The following TMEM266 variants were observed in gnomAD, a reference collection of about 807,000 sequenced individuals.
The protein encoded by TMEM266 is Hv1 related protein 1.
In TMEM266, 33 loss-of-function variants were observed where a neutral mutation model predicts 50.5. The ratio of observed to expected loss-of-function variants is 0.65; its 90% CI spans 0.50 to 0.87. TMEM266 has a LOEUF of 0.87. Ranked by LOEUF, TMEM266 falls within the 40% of genes least tolerant of loss-of-function variation. The pLI is 0.00. For synonymous variants in TMEM266, 310 were observed against 292.3 expected (o/e 1.06, Z -0.62); for missense variants, 655 against 695.1 (o/e 0.94, Z 0.65).
In TMEM266 at chr15:76,187,753, C is replaced by T. The variant is rs114071006; in HGVS notation, c.769-4215C>T. On this transcript the variant is annotated intron_variant, in intron 8 of 10. Transcript: ENST00000388942. ...GGCTCATTGCATAGCCAGCATGAGGCCTCAGTCTTTGTCTTAACTTTGGGA... is the reference window on the plus strand; with the variant it reads ...GGCTCATTGCATAGCCAGCATGAGGTCTCAGTCTTTGTCTTAACTTTGGGA... 5.2e-3 allele frequency among the ~76,000 whole-genome samples: 791 copies of T among 152,276 alleles called. 8 individuals are homozygous for T. Among genetic ancestry groups the T allele is most frequent in the African/African-American group, 0.018 (731 of 41,546 alleles).
intron 8 of TMEM266, chr15:76,176,344 G>C (rs1007409870): frequency 1.9e-4 from 29 of 153,132 alleles, no homozygotes; most frequent in Non-Finnish European, 4.4e-5. Flanking sequence ...TCCCATGTGA[G>C]TGGGACAGAG....
At chr15:76,070,538 TAGAG>T (rs2036523677) in intron 1 of TMEM266, among the ~76,000 whole-genome samples, 1 of 152,174 alleles carries the variant, frequency 6.6e-6, no homozygotes, top group Non-Finnish European at 1.5e-5. Flanking sequence ...CATAAGGTCT[TAGAG>T]AGCCAGCTCA....
intron 1 of TMEM266, among the ~76,000 whole-genome samples, chr15:76,119,980 C>G (rs2037315546): frequency 6.6e-6 from 1 of 152,190 alleles, no homozygotes; most frequent in Non-Finnish European, 1.5e-5. Flanking sequence ...AGCCACCCTT[C>G]AGAGCTTGTG....
At chr15:76,099,406 C>T (rs925337335) in intron 1 of TMEM266, among the ~76,000 whole-genome samples, 2 of 152,214 alleles carry the variant, frequency 1.3e-5, no homozygotes, top group African/African-American at 2.4e-5. Context: ...TGGGTTGCAC[C>T]CACTGTCCAA....
intron 1 of TMEM266, among the ~76,000 whole-genome samples, chr15:76,091,166 A>G (rs978302847): frequency 1.3e-5 from 2 of 152,202 alleles, no homozygotes; most frequent in African/African-American, 4.8e-5. Flanking sequence ...TTGAAGTGAG[A>G]GGAAAAAAAT....
At chr15:76,123,169 T>G (rs2037368515) in intron 1 of TMEM266, among the ~76,000 whole-genome samples, 1 of 152,226 alleles carries the variant, frequency 6.6e-6, no homozygotes, top group African/African-American at 2.4e-5. Context: ...CTAATAATTT[T>G]GCAATAGACT....
intron 3 of TMEM266, among the ~76,000 whole-genome samples, chr15:76,146,306 G>A (rs1448257745): frequency 1.3e-5 from 2 of 152,184 alleles, no homozygotes; most frequent in Non-Finnish European, 1.5e-5. Flanking sequence ...TGCAAAGATG[G>A]TCATGGGTGA....
At chr15:76,200,290 C>T (rs998291568) in intron 9 of TMEM266, among the ~76,000 whole-genome samples, 2 of 152,122 alleles carry the variant, frequency 1.3e-5, no homozygotes, top group African/African-American at 4.8e-5. Flanking sequence ...GCCTCCAGTC[C>T]CTTCGCACTC....
At chr15:76,195,805 C>T (rs945057006) in intron 9 of TMEM266, among the ~76,000 whole-genome samples, 12 of 152,372 alleles carry the variant, frequency 7.9e-5, no homozygotes, top group African/African-American at 2.6e-4. Flanking sequence ...ACCTATAAGA[C>T]CCTGAACGCC....
In TMEM266 at chr15:76,139,033, A is replaced by G. The variant is rs1326692946; in HGVS notation, c.227+1138A>G. Among the ~76,000 whole-genome samples the G allele has an allele frequency of 6.6e-6, 1 of 152,238 alleles. No homozygotes were observed. The highest frequency in any genetic ancestry group is 2.4e-5 in the African/African-American group (1 of 41,462). On this transcript the variant is annotated intron_variant, in intron 3 of 10. Coordinates refer to ENST00000388942, the MANE Select transcript of TMEM266 (RefSeq NM_152335.3). This position sits in a 1 kb window ranked among gnomAD's most constrained non-coding sequence, Gnocchi z 4.1. Reference sequence around the variant, plus strand: ...GGGCTTTCCCTAGCTTCACCCTGGCAGGACCTTAGGAGCCAGTTCTGGACT... The same window carrying G: ...GGGCTTTCCCTAGCTTCACCCTGGCGGGACCTTAGGAGCCAGTTCTGGACT...
At chr15:76,080,785 C>T (rs1447074180) in intron 1 of TMEM266, among the ~76,000 whole-genome samples, 1 of 152,102 alleles carries the variant, frequency 6.6e-6, no homozygotes, top group Non-Finnish European at 1.5e-5. Context: ...CTCGCTCTGC[C>T]ACCCAAGCTA....
At position 76,161,823 on chromosome 15, in the gene TMEM266, A is replaced by G. The variant is rs1466806590; in HGVS notation, c.456+1655A>G. On this transcript the variant is annotated intron_variant, in intron 5 of 10. Coordinates refer to ENST00000388942, the MANE Select transcript of TMEM266 (RefSeq NM_152335.3). The surrounding 1 kb of genome is among the most constrained non-coding windows in gnomAD (Gnocchi z 4.1). ...GGCCTCTTGTCTCTGCCCGGCCAGG[A>G]TTCCCTCCCGCAAACACATGGGCCG... is the stretch of plus-strand genomic sequence containing the variant. Among the ~76,000 whole-genome samples the G allele has an allele frequency of 6.6e-6, 1 of 152,158 alleles. No individual in the cohort carries two copies. Among genetic ancestry groups the G allele is most frequent in the African/African-American group, 2.4e-5 (1 of 41,424 alleles).
intron 1 of TMEM266, among the ~76,000 whole-genome samples, chr15:76,064,034 G>A (rs2036362937): frequency 6.6e-6 from 1 of 152,204 alleles, no homozygotes; most frequent in South Asian, 2.1e-4. Context: ...GATGGCCTGG[G>A]ATGGAGAAGA....
intron 8 of TMEM266, among the ~76,000 whole-genome samples, chr15:76,180,559 G>T (rs990379479): frequency 1.3e-5 from 2 of 149,002 alleles, no homozygotes; most frequent in Non-Finnish European, 3.0e-5. Context: ...GGGCAGCGTG[G>T]GTCAGGTGTC....
At chr15:76,176,928 CTG>C (rs1266947967) in intron 8 of TMEM266, among the ~76,000 whole-genome samples, 5 of 152,366 alleles carry the variant, frequency 3.3e-5, no homozygotes, top group Admixed American at 3.3e-4. Context: ...AACACCCCGA[CTG>C]TGCCAAGTGG....
intron 1 of TMEM266, among the ~76,000 whole-genome samples, chr15:76,080,891 G>A (rs897812022): frequency 2.6e-5 from 4 of 151,806 alleles, no homozygotes; most frequent in Non-Finnish European, 2.9e-5. Context: ...GACTACAGGC[G>A]TGCACCACTG....
chr15:76,089,923 C>A (rs563195029), intron 1 of TMEM266, among the ~76,000 whole-genome samples: 2 of 152,196 alleles, frequency 1.3e-5, no homozygotes, highest in South Asian at 4.2e-4. Context: ...AGGATGACTC[C>A]CATGGCTCTT....
intron 9 of TMEM266, among the ~76,000 whole-genome samples, chr15:76,197,846 C>T (rs990133983): frequency 6.6e-6 from 1 of 152,372 alleles, no homozygotes; most frequent in South Asian, 2.1e-4. Context: ...GCCCAGCTGA[C>T]TCACCACCCT....
At chr15:76,098,936 TAG>T (rs1225535783) in intron 1 of TMEM266, among the ~76,000 whole-genome samples, 1 of 152,098 alleles carries the variant, frequency 6.6e-6, no homozygotes, top group African/African-American at 2.4e-5. Flanking sequence ...CCCACCAAGC[TAG>T]AGTGTCCCGG....
Sources: gnomAD v4.1 joint callset for allele counts (sites outside exome capture counted in the v4.1 genomes callset) on GRCh38, gnomAD v4.1.1 for gene constraint, Gnocchi (gnomAD v3.1) non-coding constraint, MANE v1.5 for transcripts, NCBI Gene and HGNC (gene_info 2026-07-23, HGNC 2026-07-21) for gene names.